Variants in XKR4 observed in about 807,000 individuals in gnomAD.
XKR4 encodes the protein XK related 4.
In XKR4, 12 loss-of-function variants were observed where a neutral mutation model predicts 53.9. That is an observed-to-expected ratio of 0.22 (90% CI 0.14 to 0.36). XKR4 has a LOEUF of 0.36. Among genes scored for constraint, XKR4 ranks in the 10% least tolerant of loss-of-function variants. The pLI, the probability that XKR4 is intolerant of heterozygous loss-of-function variation, is 1.00. For synonymous variants in XKR4, 354 were observed against 362.4 expected (o/e 0.98, Z 0.26); for missense variants, 799 against 859.5 (o/e 0.93, Z 0.88).
At chr8:55,363,251 G>A (rs777977239) in intron 2 of XKR4, among the ~76,000 whole-genome samples, 6 of 152,014 alleles carry the variant, frequency 3.9e-5, no homozygotes, top group African/African-American at 2.4e-5. Context: ...CATGTGCCCA[G>A]GAAAGCTTTA....
At chr8:55,498,442 C>T (rs554226908) in intron 2 of XKR4, among the ~76,000 whole-genome samples, 1 of 152,268 alleles carries the variant, frequency 6.6e-6, no homozygotes, top group African/African-American at 2.4e-5. Context: ...CGCATCCTAG[C>T]AGGAAGGTTA....
intron 1 of XKR4, among the ~76,000 whole-genome samples, chr8:55,181,127 C>A (rs557550988): frequency 6.6e-6 from 1 of 152,254 alleles, no homozygotes; most frequent in Admixed American, 6.5e-5. Context: ...AGAAAATGAA[C>A]CAAGTCTTAT....
At position 55,411,794 on chromosome 8, in the gene XKR4, C is replaced by G. The variant is rs142167594; in HGVS notation, c.1006+53917C>G. 1.1e-3 allele frequency among the ~76,000 whole-genome samples: 168 copies of G among 152,300 alleles called. 1 individual carries two copies. The Middle Eastern group carries it at 0.02, about 19-fold the overall frequency. On this transcript the variant is annotated intron_variant, in intron 2 of 2. Transcript: ENST00000327381. ...TGGCCCAGGTGCAGTAATAATCACTCTCAGTGGGCGCCTGAGCCCCTCAGG... is the reference window on the plus strand; with the variant it reads ...TGGCCCAGGTGCAGTAATAATCACTGTCAGTGGGCGCCTGAGCCCCTCAGG...
chr8:55,451,850 G>A (rs1693496950), intron 2 of XKR4: 4 of 895,840 alleles, frequency 4.5e-6, no homozygotes, highest in Middle Eastern at 2.1e-4. Flanking sequence ...CCGTCCGAGG[G>A]CTTCAAGGCT....
At chr8:55,142,561 G>A (rs1217415792) in intron 1 of XKR4, among the ~76,000 whole-genome samples, 6 of 152,152 alleles carry the variant, frequency 3.9e-5, no homozygotes, top group Non-Finnish European at 7.4e-5. Flanking sequence ...TTTATTTCAA[G>A]TGTACCATAG....
rs772992280 is a variant in XKR4, at chr8:55,525,810, C to T, written c.*1583C>T. On this transcript the variant is annotated 3_prime_UTR_variant, in exon 3 of 3. Transcript: ENST00000327381. ...CTGGAATCGTTTAAAATACTTTAAG[C>T]ATCATAATTACTTGGGATGTCAGAA... 4 of 152,478 alleles carry T rather than the reference C, an allele frequency of 2.6e-5. No homozygotes were observed. Among genetic ancestry groups the T allele is most frequent in the Admixed American group, 6.5e-5 (1 of 15,278 alleles). The allele number at this position is 152,478 out of a possible 1,614,324, so 9.4% of individuals were successfully genotyped here.
chr8:55,262,785 C>A (rs891582511), intron 1 of XKR4, among the ~76,000 whole-genome samples: 1 of 152,176 alleles, frequency 6.6e-6, no homozygotes, highest in Non-Finnish European at 1.5e-5. Context: ...ATTAGATGCC[C>A]ACTCTTAGAT....
intron 2 of XKR4, among the ~76,000 whole-genome samples, chr8:55,464,260 T>C (rs1805717398): frequency 6.6e-6 from 1 of 151,964 alleles, no homozygotes; most frequent in South Asian, 2.1e-4. Flanking sequence ...CAGCAACACA[T>C]CAAAAAGCTT....
chr8:55,220,528 C>T (rs1585947728), intron 1 of XKR4, among the ~76,000 whole-genome samples: 1 of 152,158 alleles, frequency 6.6e-6, no homozygotes, highest in African/African-American at 2.4e-5. Context: ...GACTAAAGCC[C>T]ACAGCTCCTG....
intron 1 of XKR4, among the ~76,000 whole-genome samples, chr8:55,279,661 C>T (rs1022201237): frequency 6.6e-6 from 1 of 152,182 alleles, no homozygotes; most frequent in Non-Finnish European, 1.5e-5. Flanking sequence ...ACCACCTCTT[C>T]CAATGCTCGT....
chr8:55,361,812 C>T (rs1803913560), intron 2 of XKR4, among the ~76,000 whole-genome samples: 2 of 152,122 alleles, frequency 1.3e-5, no homozygotes, highest in South Asian at 4.1e-4. Flanking sequence ...CACCTCCAGG[C>T]CTTTGCACCT....
intron 1 of XKR4, among the ~76,000 whole-genome samples, chr8:55,246,082 A>T (rs892878542): frequency 1.6e-4 from 24 of 152,194 alleles, no homozygotes; most frequent in African/African-American, 5.3e-4. Flanking sequence ...AGCCTGGGTG[A>T]CAGAGTGAGA....
intron 1 of XKR4, among the ~76,000 whole-genome samples, chr8:55,261,189 G>T (rs187774994): frequency 1.3e-5 from 2 of 152,252 alleles, no homozygotes; most frequent in East Asian, 3.9e-4. Flanking sequence ...GGGTGCCTGG[G>T]TTCTAATGCT....
chr8:55,300,356 G>A (rs1194628536), intron 1 of XKR4, among the ~76,000 whole-genome samples: 4 of 152,134 alleles, frequency 2.6e-5, no homozygotes, highest in African/African-American at 9.7e-5. Flanking sequence ...TAAACAGCAG[G>A]TGGAAATCAG....
At chr8:55,432,168 G>T (rs1334277953) in intron 2 of XKR4, among the ~76,000 whole-genome samples, 1 of 152,106 alleles carries the variant, frequency 6.6e-6, no homozygotes, top group Non-Finnish European at 1.5e-5. Flanking sequence ...GGGTGGCTGG[G>T]GCAGGAGGAG....
chr8:55,238,256 C>T (rs1173274440), intron 1 of XKR4, among the ~76,000 whole-genome samples: 1 of 152,216 alleles, frequency 6.6e-6, no homozygotes, highest in African/African-American at 2.4e-5. Flanking sequence ...CAGCTTTCAT[C>T]TCTAGGCCCA....
At chr8:55,145,941 T>A (rs1282846558) in intron 1 of XKR4, among the ~76,000 whole-genome samples, 1 of 152,236 alleles carries the variant, frequency 6.6e-6, no homozygotes, top group Admixed American at 6.5e-5. Flanking sequence ...CTCATTTTGA[T>A]TTGGAAAAAA....
chr8:55,457,736 T>C (rs117886151), intron 2 of XKR4, among the ~76,000 whole-genome samples: 40 of 152,346 alleles, frequency 2.6e-4, no homozygotes, highest in Non-Finnish European at 5.6e-4. Flanking sequence ...TTCCACTTAC[T>C]TTCCTTTTGA....
intron 1 of XKR4, among the ~76,000 whole-genome samples, chr8:55,236,320 C>A (rs185762344): frequency 6.6e-6 from 1 of 152,272 alleles, no homozygotes; most frequent in African/African-American, 2.4e-5. Context: ...ACAGTCCAGC[C>A]CTGGCCTGGA....
Sources: gnomAD v4.1 joint callset for allele counts (sites outside exome capture counted in the v4.1 genomes callset) on GRCh38, gnomAD v4.1.1 for gene constraint, MANE v1.5 for transcripts, NCBI Gene and HGNC (gene_info 2026-07-23, HGNC 2026-07-21) for gene names.